Variants in THSD7A observed in about 807,000 individuals in gnomAD.
The protein encoded by THSD7A is thrombospondin type-1 domain-containing protein 7A.
In THSD7A, 96 loss-of-function variants were observed where a neutral mutation model predicts 231.3. The ratio of observed to expected loss-of-function variants is 0.41; its 90% CI spans 0.35 to 0.49. The LOEUF (loss-of-function observed/expected upper bound fraction) is 0.49, where lower values mean the gene tolerates loss of function less well. Ranked by LOEUF, THSD7A falls within the 20% of genes least tolerant of loss-of-function variation. THSD7A has a pLI of 0.05. For missense variants in THSD7A, 2,290 were observed against 2,070.2 expected, an observed-to-expected ratio of 1.11 and a Z score of -2.06; for synonymous variants, 940 against 743.3, an observed-to-expected ratio of 1.26 and a Z score of -4.30.
intron 26 of THSD7A, chr7:11,378,708 G>C (rs1164674673): frequency 4.3e-6 from 1 of 231,224 alleles, no homozygotes; most frequent in Non-Finnish European, 8.6e-6. Context: ...ATTCTGGAAT[G>C]TCTTTATAGT....
chr7:11,455,044 T>G (rs976831701), intron 11 of THSD7A, among the ~76,000 whole-genome samples: 1 of 152,042 alleles, frequency 6.6e-6, no homozygotes, highest in East Asian at 1.9e-4. Flanking sequence ...GAGGTTCCTA[T>G]GACGGGATTA....
At chr7:11,547,231 A>G (rs188655430) in intron 4 of THSD7A, among the ~76,000 whole-genome samples, 1 of 152,192 alleles carries the variant, frequency 6.6e-6, no homozygotes, top group African/African-American at 2.4e-5. Context: ...TGACACTATA[A>G]AGCAACTACA....
At chr7:11,722,035 G>A (rs1781372742) in intron 1 of THSD7A, among the ~76,000 whole-genome samples, 1 of 151,754 alleles carries the variant, frequency 6.6e-6, no homozygotes, top group Non-Finnish European at 1.5e-5. Context: ...TTCACTCATT[G>A]TGAAACCACC....
chr7:11,401,641 G>A (rs1015167640), intron 23 of THSD7A, among the ~76,000 whole-genome samples, 154 bp downstream of exon 23: 4 of 152,042 alleles, frequency 2.6e-5, no homozygotes, highest in Non-Finnish European at 5.9e-5. Flanking sequence ...ACAACTCCTG[G>A]CCTCAGGTGA....
At chr7:11,551,012 G>C (rs1406811893) in intron 4 of THSD7A, among the ~76,000 whole-genome samples, 33 of 151,978 alleles carry the variant, frequency 2.2e-4, no homozygotes, top group Admixed American at 2.1e-3. Flanking sequence ...TAAATCAATG[G>C]AACAGATTAG....
At chr7:11,391,914 C>T (rs1015236467) in intron 23 of THSD7A, among the ~76,000 whole-genome samples, 7 of 152,192 alleles carry the variant, frequency 4.6e-5, no homozygotes, top group Middle Eastern at 3.4e-3. Context: ...GCTTGCCCTC[C>T]GTGGGCTGCA....
intron 1 of THSD7A, among the ~76,000 whole-genome samples, chr7:11,774,717 C>T (rs1370214064): frequency 6.6e-6 from 1 of 152,120 alleles, no homozygotes; most frequent in Non-Finnish European, 1.5e-5. Flanking sequence ...ATTAGCTTTG[C>T]CTTTATGCTA....
intron 6 of THSD7A, 75 bp from the exon 7 acceptor site, chr7:11,482,057 C>A: frequency 1.4e-6 from 2 of 1,410,804 alleles, no homozygotes; most frequent in Non-Finnish European, 1.9e-6. Flanking sequence ...CAGATGGGCA[C>A]CCAGATAAGT....
At position 11,782,193 on chromosome 7, in the gene THSD7A, A is replaced by G. The variant is rs184326396; in HGVS notation, c.190+49564T>C. 1.9e-3 allele frequency among the ~76,000 whole-genome samples: 290 copies of G among 152,328 alleles called. 1 individual carries two copies. The highest frequency in any genetic ancestry group is 6.8e-3 in the African/African-American group (283 of 41,554). On this transcript the variant is annotated intron_variant, in intron 1 of 27. Transcript: ENST00000423059. ...GTTCCCATCTGTTCTGCAGCACTTC[A>G]TACCTAAGAATGGAATATAAAGAAA...
chr7:11,397,723 C>T (rs763107974), intron 23 of THSD7A, among the ~76,000 whole-genome samples: 3 of 152,010 alleles, frequency 2.0e-5, no homozygotes, highest in Admixed American at 2.0e-4. Flanking sequence ...AACAACAACC[C>T]CATGAAAAAG....
chr7:11,461,790 C>T (rs891596911), intron 10 of THSD7A, among the ~76,000 whole-genome samples: 4 of 152,190 alleles, frequency 2.6e-5, no homozygotes, highest in Admixed American at 6.5e-5. Flanking sequence ...GCTAACACGT[C>T]ACCTTGGAAG....
intron 10 of THSD7A, 90 bp downstream of exon 10, chr7:11,461,921 G>A: frequency 2.7e-6 from 4 of 1,490,480 alleles, no homozygotes; most frequent in Middle Eastern, 1.9e-4. Flanking sequence ...GGAAGGAACA[G>A]TGTTGACTTC....
At chr7:11,743,926 A>G (rs971808182) in intron 1 of THSD7A, among the ~76,000 whole-genome samples, 2 of 151,928 alleles carry the variant, frequency 1.3e-5, no homozygotes, top group Admixed American at 1.3e-4. Flanking sequence ...GCATATTGCT[A>G]ACTTTTAATT....
rs1017753611 is a variant in THSD7A, at chr7:11,374,233, A to G, written c.*1561T>C. 1.8e-4 allele frequency: 27 copies of G among 152,128 alleles called. No individual in the cohort carries two copies. Among genetic ancestry groups the G allele is most frequent in the African/African-American group, 6.5e-4 (27 of 41,442 alleles). 9.4% of individuals were successfully genotyped at this position (152,128 alleles called of 1,614,324 possible). ...TATGTTCATTCTTTTATTTACTAAG[A>G]TTGCATTAGCAGAATGGCAAAGTTG... is the stretch of plus-strand genomic sequence containing the variant. On this transcript the variant is annotated 3_prime_UTR_variant, in exon 28 of 28. Transcript: ENST00000423059.
At position 11,460,777 on chromosome 7, in the gene THSD7A, G is replaced by A; in HGVS notation, c.2502-12C>T. On this transcript the variant is annotated splice_polypyrimidine_tract_variant and intron_variant, in intron 10 of 27. Transcript: ENST00000423059. The stretch of plus-strand genomic sequence containing the variant: ...TGTGAGTCTTCCACCTACAAGACAG[G>A]AACAGAAGCCCAGTGGGGAAGAAGC... 1.9e-6 allele frequency: 3 copies of A among 1,607,008 alleles called. No homozygotes were observed. Among genetic ancestry groups the A allele is most frequent in the South Asian group, 2.2e-5 (2 of 89,656 alleles).
chr7:11,503,780 A>G (rs2128311076), intron 6 of THSD7A, among the ~76,000 whole-genome samples: 1 of 152,350 alleles, frequency 6.6e-6, no homozygotes, highest in East Asian at 1.9e-4. Flanking sequence ...CACCAGTCAG[A>G]ATGACTATTA....
In THSD7A at chr7:11,565,139, T is replaced by C. The variant is rs556659277; in HGVS notation, c.1454-22022A>G. On this transcript the variant is annotated intron_variant, in intron 4 of 27. Coordinates refer to ENST00000423059, the MANE Select transcript of THSD7A (RefSeq NM_015204.3). ...CCGTTATTGACTCAAATTCTCACGA[T>C]GTCCCTAACAACAAAAACAGCATTA... Among the ~76,000 whole-genome samples the C allele has an allele frequency of 5.9e-5, 9 of 152,328 alleles. No individual in the cohort carries two copies. The South Asian group carries it at 1.9e-3, about 32-fold the overall frequency.
intron 1 of THSD7A, among the ~76,000 whole-genome samples, chr7:11,731,403 T>G (rs947419242): frequency 6.6e-6 from 1 of 151,606 alleles, no homozygotes. Context: ...TGGAAGAGAT[T>G]TGTCAAGTAA....
In THSD7A at chr7:11,628,517, A is replaced by C. The variant is rs981884434; in HGVS notation, c.1022+7613T>G. On this transcript the variant is annotated intron_variant, in intron 2 of 27. Coordinates refer to ENST00000423059, the MANE Select transcript of THSD7A (RefSeq NM_015204.3). ...TGATCCTGCCAACCTCCTTCCAGGA[A>C]GAACTCATTATCTCTGTTGTTATCT... Among the ~76,000 whole-genome samples, 18 of 152,088 alleles carry C rather than the reference A, an allele frequency of 1.2e-4. 1 individual carries two copies. The highest frequency in any genetic ancestry group is 7.9e-4 in the Admixed American group (12 of 15,266).
Sources: gnomAD v4.1 joint callset for allele counts (sites outside exome capture counted in the v4.1 genomes callset) on GRCh38, gnomAD v4.1.1 for gene constraint, MANE v1.5 for transcripts, NCBI Gene and HGNC (gene_info 2026-07-23, HGNC 2026-07-21) for gene names.